AK7: variants seen among roughly 807,000 people sequenced by gnomAD.
AK7 encodes adenylate kinase 7, also known as ATP-AMP transphosphorylase 7.
In AK7, 78 loss-of-function variants were observed where a neutral mutation model predicts 96.6. The ratio of observed to expected loss-of-function variants is 0.81; its 90% CI spans 0.67 to 0.97. The LOEUF (loss-of-function observed/expected upper bound fraction) is 0.97. AK7 is among the 50% of genes least tolerant of loss of function. AK7 has a pLI of 0.00. For synonymous variants in AK7, 302 were observed against 317.2 expected, an observed-to-expected ratio of 0.95 and a Z score of 0.51; for missense variants, 855 against 887.9, an observed-to-expected ratio of 0.96 and a Z score of 0.47.
chr14:96,446,641 A>G, intron 8 of AK7, 34 bp downstream of exon 8: 1 of 1,597,338 alleles, frequency 6.3e-7, no homozygotes, highest in Non-Finnish European at 8.6e-7. Context: ...TTGATGACAT[A>G]TCGTAAATAG....
chr14:96,449,778 A>G (rs1893475813), intron 8 of AK7, 24 bp from the exon 9 acceptor site: 2 of 1,565,782 alleles, frequency 1.3e-6, no homozygotes, highest in Non-Finnish European at 8.8e-7. Context: ...TAAACCAACT[A>G]ATATTTCGAT....
intron 12 of AK7, among the ~76,000 whole-genome samples, chr14:96,467,476 C>T (rs957265245): frequency 5.7e-4 from 87 of 152,228 alleles, no homozygotes; most frequent in African/African-American, 1.9e-3. Flanking sequence ...GCTGGGACTA[C>T]AGGCGCACGC....
intron 5 of AK7, chr14:96,423,612 G>T: frequency 1.9e-6 from 1 of 530,514 alleles, no homozygotes. Flanking sequence ...GTGGGAAGAG[G>T]AGAAAGCTAT....
At chr14:96,441,971 G>T (rs73349297) in intron 6 of AK7, among the ~76,000 whole-genome samples, 50,137 of 151,956 alleles carry the variant, frequency 0.33, 8,603 homozygotes, top group South Asian at 0.4. Flanking sequence ...AAGCCTGCTG[G>T]TGTCACATCA....
At chr14:96,451,751 T>C (rs1173442106) in intron 10 of AK7, among the ~76,000 whole-genome samples, 181 bp downstream of exon 10, 14 of 152,210 alleles carry the variant, frequency 9.2e-5, no homozygotes, top group Non-Finnish European at 1.5e-5. Flanking sequence ...AATTAATACC[T>C]GTGAACCAAA....
chr14:96,470,429 G>A (rs1894821052), intron 12 of AK7, among the ~76,000 whole-genome samples: 1 of 152,152 alleles, frequency 6.6e-6, no homozygotes, highest in Non-Finnish European at 1.5e-5. Flanking sequence ...TAAGGATGGG[G>A]CTGCGTTTTG....
chr14:96,394,200 C>T (rs924222023), intron 1 of AK7, among the ~76,000 whole-genome samples: 1 of 152,018 alleles, frequency 6.6e-6, no homozygotes, highest in African/African-American at 2.4e-5. Context: ...AGCAAAAGCA[C>T]AGGTTCCAAA....
rs1204856199 is a variant in AK7, at chr14:96,456,366, T to C, written c.1118T>C (p.Leu373Pro). ...TTTCAGCCAATCAAGATCTGCATTC[T>C]TGGTCCCCCTGCTGTGGGAAAATCC... ...RGLMPIKICI[L>P]GPPAVGKSSI... is the part of the protein sequence containing the mutation. The change falls in exon 11 of 18, where the codon CTT becomes CCT. Residue 373 changes from leucine to proline, a missense_variant. Leu to Pro is a moderately conservative substitution (Grantham distance 98). Coordinates refer to ENST00000267584, the MANE Select transcript of AK7 (RefSeq NM_152327.5). 6.2e-7 allele frequency: 1 copy of C among 1,613,384 alleles called. No individual in the cohort carries two copies. Among genetic ancestry groups the C allele is most frequent in the South Asian group, 1.1e-5 (1 of 91,032 alleles).
intron 12 of AK7, among the ~76,000 whole-genome samples, chr14:96,469,991 ATTT>A (rs1894796653): frequency 1.3e-5 from 2 of 151,698 alleles, no homozygotes; most frequent in Non-Finnish European, 2.9e-5. Context: ...CTAATTTTGT[ATTT>A]TTAGTAGAGA....
At chr14:96,464,622 G>A (rs940799627) in intron 12 of AK7, among the ~76,000 whole-genome samples, 2 of 150,036 alleles carry the variant, frequency 1.3e-5, no homozygotes, top group Non-Finnish European at 3.0e-5. Flanking sequence ...GTCAACTTGT[G>A]ACAGGCTATT....
intron 13 of AK7, 73 bp downstream of exon 13, chr14:96,471,679 A>G: frequency 1.6e-6 from 2 of 1,245,124 alleles, no homozygotes; most frequent in Non-Finnish European, 2.1e-6. Flanking sequence ...AGAAGTAGTC[A>G]CTCAATTAAA....
chr14:96,423,051 T>C (rs965966312), intron 5 of AK7, among the ~76,000 whole-genome samples: 1 of 152,220 alleles, frequency 6.6e-6, no homozygotes. Flanking sequence ...GACACAGATG[T>C]AGGGATTCCT....
At chr14:96,468,705 C>T (rs1323752922) in intron 12 of AK7, among the ~76,000 whole-genome samples, 1 of 152,152 alleles carries the variant, frequency 6.6e-6, no homozygotes, top group African/African-American at 2.4e-5. Context: ...ATCTCAAATG[C>T]CGTCCCTCAC....
At chr14:96,457,298 T>C (rs933942482) in intron 11 of AK7, among the ~76,000 whole-genome samples, 1 of 152,102 alleles carries the variant, frequency 6.6e-6, no homozygotes, top group Non-Finnish European at 1.5e-5. Flanking sequence ...TGAGCTCAGG[T>C]GATCCGCCCG....
chr14:96,446,765 AC>A (rs1271040869), intron 8 of AK7, among the ~76,000 whole-genome samples, 158 bp downstream of exon 8: 1 of 151,616 alleles, frequency 6.6e-6, no homozygotes, highest in Non-Finnish European at 1.5e-5. Flanking sequence ...ACATGATGAA[AC>A]CCCATCTCTA....
rs542863751 is a variant in AK7 at position 96,437,636 on chromosome 14, T to C, written c.610-199T>C. On this transcript the variant is annotated intron_variant, in intron 5 of 17. Coordinates refer to ENST00000267584, the MANE Select transcript of AK7 (RefSeq NM_152327.5). ...AGGAGTCCTTGTTAAATTTTAATAGTAGTCAGAGGTATTCCTGAATAGTGC... is the reference window on the plus strand; with the variant it reads ...AGGAGTCCTTGTTAAATTTTAATAGCAGTCAGAGGTATTCCTGAATAGTGC... Among the ~76,000 whole-genome samples, 116 of 152,330 alleles carry C rather than the reference T, an allele frequency of 7.6e-4. 1 individual carries two copies. Among genetic ancestry groups the C allele is most frequent in the African/African-American group, 2.7e-3 (113 of 41,580 alleles).
Position 96,398,693 on chromosome 14 carries a change from G to A in AK7, c.294+430G>A, listed in dbSNP as rs192444322. ...GGCCAGGGGTTCGAGACCAGCCTGG[G>A]CAACATAGCAAGATCCTGTCTCTTA... On this transcript the variant is annotated intron_variant, in intron 2 of 17. Transcript: ENST00000267584. 14 of 189,638 alleles carry A rather than the reference G, an allele frequency of 7.4e-5. No individual in the cohort carries two copies. In the East Asian group the frequency reaches 1.9e-3, roughly 25 times the overall value. The allele number at this position is 189,638 out of a possible 1,614,324, so 11.7% of individuals were successfully genotyped here. A position where few individuals can be genotyped will look rare whatever the true frequency, so the allele number is the denominator to read the frequency against.
At chr14:96,480,741 C>A (rs1490688582) in intron 15 of AK7, among the ~76,000 whole-genome samples, 1 of 152,100 alleles carries the variant, frequency 6.6e-6, no homozygotes, top group African/African-American at 2.4e-5. Context: ...AAATAAGTAA[C>A]AGGGAGGAAT....
intron 1 of AK7, among the ~76,000 whole-genome samples, chr14:96,397,197 G>C (rs1478417227): frequency 1.3e-5 from 2 of 152,018 alleles, no homozygotes; most frequent in Admixed American, 6.6e-5. Flanking sequence ...TTTTTATATT[G>C]ATTACATATT....
Sources: allele counts gnomAD v4.1 joint callset (sites outside exome capture counted in the v4.1 genomes callset), GRCh38; gene constraint gnomAD v4.1.1; transcripts MANE v1.5; gene names NCBI Gene and HGNC (gene_info 2026-07-23, HGNC 2026-07-21).